Variants in INVS observed in about 807,000 individuals in gnomAD.
INVS encodes inversion of embryo turning homolog.
A neutral mutation model predicts 108.8 loss-of-function variants in INVS; 86 were observed. The observed-to-expected ratio is 0.79, with a 90% CI of 0.66 to 0.95. The LOEUF (loss-of-function observed/expected upper bound fraction) is 0.95. Among genes scored for constraint, INVS ranks in the 40% least tolerant of loss-of-function variants. The pLI is 0.00. For missense variants in INVS, 1,169 were observed against 1,297.4 expected (o/e 0.90, Z 1.52); for synonymous variants, 455 against 473.5 (o/e 0.96, Z 0.51).
At chr9:100,170,216 A>G (rs1829493017) in intron 3 of INVS, among the ~76,000 whole-genome samples, 1 of 152,180 alleles carries the variant, frequency 6.6e-6, no homozygotes, top group Non-Finnish European at 1.5e-5. Flanking sequence ...TATCTGTGGA[A>G]GTATAGTTGT....
chr9:100,159,597 A>G (rs1388985955), intron 3 of INVS, among the ~76,000 whole-genome samples: 3 of 152,198 alleles, frequency 2.0e-5, no homozygotes, highest in Non-Finnish European at 2.9e-5. Flanking sequence ...TACATAAAAA[A>G]TACAGACTAA....
intron 2 of INVS, among the ~76,000 whole-genome samples, chr9:100,108,423 CTAGAG>C (rs1290213237): frequency 3.3e-5 from 5 of 152,218 alleles, no homozygotes; most frequent in Non-Finnish European, 5.9e-5. Flanking sequence ...TACCTTTGCT[CTAGAG>C]TATTTTCCAG....
intron 3 of INVS, among the ~76,000 whole-genome samples, chr9:100,208,409 T>C (rs1456435661): frequency 6.6e-6 from 1 of 152,180 alleles, no homozygotes; most frequent in Non-Finnish European, 1.5e-5. Context: ...GGTTTTTTAG[T>C]ATAATCGAAT....
chr9:100,145,229 G>A (rs1828563506), intron 3 of INVS, among the ~76,000 whole-genome samples: 2 of 152,106 alleles, frequency 1.3e-5, no homozygotes, highest in South Asian at 2.1e-4. Context: ...GACACGGAGG[G>A]AAGGGGTTTG....
At chr9:100,272,173 A>G (rs917868512) in intron 11 of INVS, among the ~76,000 whole-genome samples, 8 of 152,092 alleles carry the variant, frequency 5.3e-5, no homozygotes, top group Non-Finnish European at 1.0e-4. Flanking sequence ...CAGCCCTTTT[A>G]TGGTTTCTGA....
intron 3 of INVS, among the ~76,000 whole-genome samples, chr9:100,195,302 T>G (rs540633220): frequency 6.6e-6 from 1 of 152,202 alleles, no homozygotes; most frequent in Non-Finnish European, 1.5e-5. Context: ...CTATTGGAAT[T>G]ATCATATAGT....
At chr9:100,136,933 G>C (rs143799457) in intron 3 of INVS, among the ~76,000 whole-genome samples, 2 of 152,006 alleles carry the variant, frequency 1.3e-5, no homozygotes, top group Non-Finnish European at 2.9e-5. Flanking sequence ...CCAGCTGTGC[G>C]GGAGGCTGAG....
intron 2 of INVS, among the ~76,000 whole-genome samples, chr9:100,106,706 C>T (rs944039504): frequency 6.6e-6 from 1 of 152,074 alleles, no homozygotes; most frequent in African/African-American, 2.4e-5. Context: ...TACTGCCAGG[C>T]CTTGGTTCTT....
At chr9:100,254,287 G>A (rs1351347337) in intron 10 of INVS, among the ~76,000 whole-genome samples, 3 of 152,096 alleles carry the variant, frequency 2.0e-5, no homozygotes, top group Non-Finnish European at 4.4e-5. Context: ...TTGTAAATTT[G>A]TTTAAGTTCT....
intron 2 of INVS, among the ~76,000 whole-genome samples, chr9:100,123,566 A>G (rs1386428349): frequency 1.3e-5 from 2 of 152,156 alleles, no homozygotes; most frequent in African/African-American, 2.4e-5. Context: ...TAATACTGCA[A>G]TGGATATTTG....
intron 12 of INVS, among the ~76,000 whole-genome samples, chr9:100,281,639 A>G (rs749008849): frequency 1.3e-5 from 2 of 152,158 alleles, no homozygotes; most frequent in Non-Finnish European, 2.9e-5. Flanking sequence ...AAAAACATTA[A>G]TTATATTTGT....
At chr9:100,226,686 G>A (rs1026052747) in intron 4 of INVS, among the ~76,000 whole-genome samples, 8 of 151,834 alleles carry the variant, frequency 5.3e-5, no homozygotes, top group South Asian at 4.2e-4. Context: ...GTTGGCATGC[G>A]CTTGTAATCC....
intron 10 of INVS, among the ~76,000 whole-genome samples, chr9:100,255,312 C>T (rs190059236): frequency 6.7e-5 from 10 of 149,166 alleles, no homozygotes; most frequent in East Asian, 1.9e-4. Context: ...AGGAGATTTT[C>T]GGCTGAGACA....
At chr9:100,263,913 T>C (rs1832705847) in intron 10 of INVS, among the ~76,000 whole-genome samples, 2 of 152,350 alleles carry the variant, frequency 1.3e-5, no homozygotes, top group South Asian at 4.1e-4. Flanking sequence ...TCTTTACTGC[T>C]CTTTTGTCTG....
intron 2 of INVS, among the ~76,000 whole-genome samples, chr9:100,123,568 G>A (rs1827790274): frequency 6.6e-6 from 1 of 152,078 alleles, no homozygotes; most frequent in Admixed American, 6.6e-5. Flanking sequence ...ATACTGCAAT[G>A]GATATTTGTG....
intron 3 of INVS, among the ~76,000 whole-genome samples, chr9:100,157,267 CTTTTTTTTTT>C (rs770493291): frequency 7.7e-6 from 1 of 130,098 alleles, no homozygotes; most frequent in South Asian, 2.3e-4. Context: ...TCTTTTTTTT[CTTTTTTTTTT>C]TTTTTGAGGC....
chr9:100,289,851 A>G (rs1405767321), intron 13 of INVS, among the ~76,000 whole-genome samples: 5 of 152,246 alleles, frequency 3.3e-5, no homozygotes, highest in African/African-American at 4.8e-5. Flanking sequence ...TTGTATGGAC[A>G]TAAGTTTTCA....
In INVS at chr9:100,252,336, G is replaced by A. The variant is rs1832262440; in HGVS notation, c.1132G>A (p.Glu378Lys). The change falls in exon 9 of 17, where the codon GAA (glutamate) becomes AAA (lysine). Residue 378 changes from glutamate (E) to lysine (K), a missense_variant. By Grantham distance (56) the Glu-to-Lys change is moderately conservative. This residue lies in a region of INVS where 271 missense variants were observed against 363.8 expected (regional missense o/e 0.74). Transcript: ENST00000262457. ...TGTCAGCACCGTGAAGTTATTACTG[G>A]AAAATAATGCTCAAGTAGATGCTAC... Reference protein sequence around the residue: ...GHVSTVKLLLENNAQVDATDV... With the variant: ...GHVSTVKLLLKNNAQVDATDV... 1 of 1,614,018 alleles carries A rather than the reference G, an allele frequency of 6.2e-7. No homozygotes were observed. Among genetic ancestry groups the A allele is most frequent in the Non-Finnish European group, 8.5e-7 (1 of 1,179,950 alleles).
chr9:100,299,555 A>AACACACACACACACACACACACACAC (rs55800849), intron 16 of INVS, among the ~76,000 whole-genome samples: 9 of 125,740 alleles, frequency 7.2e-5, no homozygotes, highest in African/African-American at 8.9e-5. Flanking sequence ...ATTGACACAC[A>AACACACACACACACACACACACACAC]ACACACACAC....
Sources: allele counts gnomAD v4.1 joint callset (sites outside exome capture counted in the v4.1 genomes callset), GRCh38; gene constraint gnomAD v4.1.1; regional missense constraint gnomAD v4.1.1; transcripts MANE v1.5; gene names NCBI Gene and HGNC (gene_info 2026-07-23, HGNC 2026-07-21).